The following ELMO1 variants were observed in gnomAD, a reference collection of about 807,000 sequenced individuals.
The protein encoded by ELMO1 is engulfment and cell motility 1, also known as engulfment and cell motility protein 1.
A neutral mutation model predicts 98.9 loss-of-function variants in ELMO1; 26 were observed. The ratio of observed to expected loss-of-function variants is 0.26; its 90% CI spans 0.19 to 0.36. The LOEUF is 0.36. Among genes scored for constraint, ELMO1 ranks in the 10% least tolerant of loss-of-function variants. The pLI is 1.00. For synonymous variants in ELMO1, 346 were observed against 346.0 expected, an observed-to-expected ratio of 1.00 and a Z score of 0.00; for missense variants, 627 against 935.2, an observed-to-expected ratio of 0.67 and a Z score of 4.30.
intron 18 of ELMO1, 104 bp downstream of exon 18, chr7:36,887,456 T>C (rs1805124654): frequency 9.9e-7 from 1 of 1,007,120 alleles, no homozygotes; most frequent in Non-Finnish European, 1.5e-6. Flanking sequence ...CTGAGTACAA[T>C]GCTGCATGGC....
At chr7:37,213,700 C>T (rs192751152) in intron 11 of ELMO1, among the ~76,000 whole-genome samples, 10 of 152,094 alleles carry the variant, frequency 6.6e-5, no homozygotes, top group Non-Finnish European at 8.8e-5. Context: ...AGGGGAAAAG[C>T]GCTGGAAAGG....
At chr7:37,278,790 T>C (rs1796987130) in intron 4 of ELMO1, among the ~76,000 whole-genome samples, 1 of 152,210 alleles carries the variant, frequency 6.6e-6, no homozygotes, top group Non-Finnish European at 1.5e-5. Context: ...ATATTCTCCC[T>C]CAACAAGGTG....
At chr7:37,156,371 A>G (rs1032967125) in intron 13 of ELMO1, among the ~76,000 whole-genome samples, 5 of 152,220 alleles carry the variant, frequency 3.3e-5, no homozygotes, top group African/African-American at 4.8e-5. Flanking sequence ...AAAAAAATCA[A>G]TGAATCCAGG....
chr7:36,997,009 G>A (rs1490243589), intron 16 of ELMO1, among the ~76,000 whole-genome samples: 2 of 152,194 alleles, frequency 1.3e-5, no homozygotes, highest in African/African-American at 4.8e-5. Context: ...CATGAGAAGA[G>A]CTGTGTCCTA....
intron 15 of ELMO1, among the ~76,000 whole-genome samples, chr7:37,029,917 T>C (rs1300394337): frequency 6.6e-6 from 1 of 152,170 alleles, no homozygotes; most frequent in Non-Finnish European, 1.5e-5. Flanking sequence ...ATACTCGATG[T>C]CTGCTACTTT....
In ELMO1 at chr7:37,222,707, G is replaced by T. The variant is rs1387068231; in HGVS notation, c.702-14C>A. 8 of 1,610,760 alleles carry T rather than the reference G, an allele frequency of 5.0e-6. No homozygotes were observed. Among genetic ancestry groups the T allele is most frequent in the African/African-American group, 1.3e-5 (1 of 74,778 alleles). On this transcript the variant is annotated splice_polypyrimidine_tract_variant and intron_variant, in intron 9 of 21. Transcript: ENST00000310758. ...TCTTGATCTGACCTGTAAAGATAGAGAACAATTCAGAAAATCAGAACACGA... is the reference window on the plus strand; with the variant it reads ...TCTTGATCTGACCTGTAAAGATAGATAACAATTCAGAAAATCAGAACACGA...
chr7:37,101,320 G>A (rs1307539014), intron 14 of ELMO1, among the ~76,000 whole-genome samples: 3 of 152,182 alleles, frequency 2.0e-5, no homozygotes, highest in East Asian at 1.9e-4. Context: ...TGTGAAGAAC[G>A]AACAAGGACC....
At chr7:37,347,220 G>A (rs1986568) in intron 1 of ELMO1, among the ~76,000 whole-genome samples, 1 of 152,146 alleles carries the variant, frequency 6.6e-6, no homozygotes, top group East Asian at 1.9e-4. Flanking sequence ...AGCACTTAAG[G>A]CTTCTATATA....
chr7:37,084,944 C>T (rs768533840), intron 15 of ELMO1, among the ~76,000 whole-genome samples: 39 of 151,820 alleles, frequency 2.6e-4, no homozygotes, highest in African/African-American at 7.7e-4. Flanking sequence ...TTAGTAGAGA[C>T]GAGGGTTTCA....
At chr7:37,417,095 G>A (rs771967896) in intron 1 of ELMO1, among the ~76,000 whole-genome samples, 2 of 152,160 alleles carry the variant, frequency 1.3e-5, no homozygotes, top group African/African-American at 2.4e-5. Flanking sequence ...AGAGGGCACC[G>A]TTTTACAGCC....
At position 37,257,418 on chromosome 7, in the gene ELMO1, G is replaced by A. The variant is rs192448142; in HGVS notation, c.413+1763C>T. The stretch of plus-strand genomic sequence containing the variant: ...GGCCTGGCCAACGTGGTGAAACCCC[G>A]TCTCTACTAAAAATACAAAAATTAG... On this transcript the variant is annotated intron_variant, in intron 6 of 21. Transcript: ENST00000310758. Among the ~76,000 whole-genome samples the A allele has an allele frequency of 7.5e-3, 1,065 of 141,720 alleles. 6 individuals are homozygous for A. Among genetic ancestry groups the A allele is most frequent in the Middle Eastern group, 0.012 (3 of 244 alleles). The allele number at this position is 141,720 out of a possible 152,430, so 93.0% of individuals were successfully genotyped here. A position where few individuals can be genotyped will look rare whatever the true frequency, so the allele number is the denominator to read the frequency against.
At chr7:37,129,011 C>T (rs1468643933) in intron 14 of ELMO1, among the ~76,000 whole-genome samples, 1 of 152,080 alleles carries the variant, frequency 6.6e-6, no homozygotes, top group Non-Finnish European at 1.5e-5. Flanking sequence ...AGAACATGGC[C>T]TTTGCCATGA....
chr7:37,068,911 C>T (rs992649359), intron 15 of ELMO1, among the ~76,000 whole-genome samples: 1 of 152,110 alleles, frequency 6.6e-6, no homozygotes, highest in African/African-American at 2.4e-5. Flanking sequence ...GTGGCTAATA[C>T]AAAATAATTA....
At chr7:36,941,353 A>AG (rs1787017706) in intron 16 of ELMO1, among the ~76,000 whole-genome samples, 1 of 152,226 alleles carries the variant, frequency 6.6e-6, no homozygotes, top group Non-Finnish European at 1.5e-5. Context: ...GGAATTCCTT[A>AG]GATCAGTGTT....
intron 15 of ELMO1, among the ~76,000 whole-genome samples, chr7:37,082,414 T>C (rs2129237655): frequency 6.6e-6 from 1 of 152,184 alleles, no homozygotes; most frequent in East Asian, 1.9e-4. Flanking sequence ...GAGAAAAGCA[T>C]ATTTCACAGC....
chr7:36,900,157 T>C (rs1325670182), intron 16 of ELMO1, among the ~76,000 whole-genome samples: 1 of 152,222 alleles, frequency 6.6e-6, no homozygotes, highest in East Asian at 1.9e-4. Flanking sequence ...GTGATTTTAA[T>C]GCATGCTCAA....
intron 16 of ELMO1, among the ~76,000 whole-genome samples, chr7:36,939,782 G>C (rs1205897798): frequency 3.3e-5 from 5 of 152,230 alleles, no homozygotes; most frequent in African/African-American, 1.2e-4. Context: ...TGCTTTCACT[G>C]CTCAGGGATC....
At chr7:37,428,030 G>GGTGTGTGTGTGTGTGTGTGTGTGTGTGT (rs10681558) in intron 1 of ELMO1, among the ~76,000 whole-genome samples, 1 of 149,792 alleles carries the variant, frequency 6.7e-6, no homozygotes, top group African/African-American at 2.5e-5. Flanking sequence ...GTATGCTTGG[G>GGTGTGTGTGTGTGTGTGTGTGTGTGTGT]GTGTGTGTGT....
intron 13 of ELMO1, among the ~76,000 whole-genome samples, chr7:37,201,624 C>CCCTGTCT (rs1414365954): frequency 1.3e-5 from 2 of 152,176 alleles, no homozygotes; most frequent in Admixed American, 1.3e-4. Context: ...CCCCAAGAAC[C>CCCTGTCT]CCTGTCTTGG....
Sources: gnomAD v4.1 joint callset for allele counts (sites outside exome capture counted in the v4.1 genomes callset) on GRCh38, gnomAD v4.1.1 for gene constraint, MANE v1.5 for transcripts, NCBI Gene and HGNC (gene_info 2026-07-23, HGNC 2026-07-21) for gene names.